The following AK5 variants were observed in gnomAD, a reference collection of about 807,000 sequenced individuals.
AK5 encodes the protein adenylate kinase isoenzyme 5.
A neutral mutation model predicts 69.5 loss-of-function variants in AK5; 27 were observed. The observed-to-expected ratio is 0.39, with a 90% CI of 0.29 to 0.54. The LOEUF (loss-of-function observed/expected upper bound fraction) is 0.54, where lower values mean the gene tolerates loss of function less well. Ranked by LOEUF, AK5 falls within the 20% of genes least tolerant of loss-of-function variation. AK5 has a pLI of 0.71. For synonymous variants in AK5, 260 were observed against 244.4 expected (o/e 1.06, Z -0.60); for missense variants, 531 against 700.4 (o/e 0.76, Z 2.73).
intron 6 of AK5, among the ~76,000 whole-genome samples, chr1:77,357,993 G>GT (rs1491252962): frequency 5.2e-5 from 1 of 19,240 alleles, no homozygotes; most frequent in Non-Finnish European, 1.1e-4. Context: ...ATGGAGAGTA[G>GT]TGTGTGTGTG....
chr1:77,282,366 T>C lies in AK5; in HGVS notation c.53T>C (p.Leu18Pro). The change falls in exon 1 of 14, where the codon CTT becomes CCT. Residue 18 changes from leucine (L) to proline (P), a missense_variant. Transcript: ENST00000354567. ...CTGGCCCGGAGGGAAATCCCTCAGC[T>C]TTTTGAGGTAGGGCTAGAGCTGGCC... is the stretch of plus-strand genomic sequence containing the variant. The part of the protein sequence containing the change: ...EYLARREIPQ[L>P]FESLLNGLMC... 1 of 1,552,614 alleles carries C rather than the reference T, an allele frequency of 6.4e-7. No individual in the cohort carries two copies. Among genetic ancestry groups the C allele is most frequent in the Non-Finnish European group, 8.7e-7 (1 of 1,148,368 alleles).
intron 8 of AK5, among the ~76,000 whole-genome samples, chr1:77,427,096 A>C (rs1373019135): frequency 6.6e-6 from 1 of 151,980 alleles, no homozygotes; most frequent in East Asian, 1.9e-4. Context: ...AGAAAACTAG[A>C]AAAAGAAGAC....
intron 8 of AK5, among the ~76,000 whole-genome samples, chr1:77,470,842 TATATATATATATATATATATATATATA>T (rs1557615438): frequency 5.7e-3 from 6 of 1,052 alleles, no homozygotes; most frequent in Non-Finnish European, 0.013. Context: ...TATATATATA[TATATATATATATATATATATATATATA>T]TATATATTTT....
At chr1:77,376,451 C>CAAAAAAAAAAACA (rs1647252127) in intron 6 of AK5, among the ~76,000 whole-genome samples, 28 of 41,052 alleles carry the variant, frequency 6.8e-4, no homozygotes, top group African/African-American at 2.4e-3. Flanking sequence ...AAAAAAAAAA[C>CAAAAAAAAAAACA]AAAAAAAAAA....
At chr1:77,306,628 AT>A (rs1421151180) in intron 5 of AK5, among the ~76,000 whole-genome samples, 1 of 151,570 alleles carries the variant, frequency 6.6e-6, no homozygotes, top group Non-Finnish European at 1.5e-5. Flanking sequence ...TGACTTTGGA[AT>A]TATTTCCTCC....
chr1:77,330,477 G>C (rs914639929), intron 5 of AK5, among the ~76,000 whole-genome samples: 1 of 152,088 alleles, frequency 6.6e-6, no homozygotes, highest in Admixed American at 6.5e-5. Context: ...ACTTTACCCA[G>C]TACCATTTGT....
chr1:77,502,483 A>G (rs1239583451), intron 10 of AK5, among the ~76,000 whole-genome samples: 1 of 152,244 alleles, frequency 6.6e-6, no homozygotes, highest in African/African-American at 2.4e-5. Context: ...TCCGTATTTC[A>G]GAGAGCCTTG....
chr1:77,397,601 A>C (rs1221378752), intron 6 of AK5, among the ~76,000 whole-genome samples: 2 of 152,206 alleles, frequency 1.3e-5, no homozygotes, highest in Non-Finnish European at 2.9e-5. Flanking sequence ...GTATTAACTA[A>C]AAAGAAATTT....
chr1:77,548,200 T>C (rs759198763), intron 13 of AK5, among the ~76,000 whole-genome samples: 13 of 152,330 alleles, frequency 8.5e-5, no homozygotes, highest in South Asian at 2.1e-4. Flanking sequence ...TTATAAGTCA[T>C]CCTTATATTT....
Position 77,559,957 on chromosome 1 carries a change from G to T in AK5, c.*1287G>T, listed in dbSNP as rs1660358349. ...TGGATATGTACAAATAAAATAAATG[G>T]AAGACAGGATAACTCTTTTTCTATT... On this transcript the variant is annotated 3_prime_UTR_variant, in exon 14 of 14. Transcript: ENST00000354567. 1 of 152,374 alleles carries T rather than the reference G, an allele frequency of 6.6e-6. No individual in the cohort carries two copies. The highest frequency in any genetic ancestry group is 2.1e-4 in the South Asian group (1 of 4,820). 9.4% of individuals were successfully genotyped at this position (152,374 alleles called of 1,614,324 possible). A position where few individuals can be genotyped will look rare whatever the true frequency, so the allele number is the denominator to read the frequency against.
chr1:77,464,962 G>A (rs542389124), intron 8 of AK5, among the ~76,000 whole-genome samples: 99 of 152,308 alleles, frequency 6.5e-4, no homozygotes, highest in Non-Finnish European at 1.3e-3. Flanking sequence ...TCTGATGGCA[G>A]ACTTTGGGAA....
intron 8 of AK5, among the ~76,000 whole-genome samples, chr1:77,465,697 G>A (rs79406287): frequency 0.012 from 1,808 of 152,236 alleles, 37 homozygotes; most frequent in African/African-American, 0.04. Context: ...AGTGGGAGTC[G>A]TGGCTGGGTT....
intron 13 of AK5, among the ~76,000 whole-genome samples, 154 bp from the exon 14 acceptor site, chr1:77,558,448 A>G (rs1014603986): frequency 9.8e-5 from 13 of 132,678 alleles, no homozygotes; most frequent in Admixed American, 7.4e-4. Flanking sequence ...CTAGTTTTAA[A>G]ACTACTCTTC....
At chr1:77,376,766 C>T (rs1187587350) in intron 6 of AK5, among the ~76,000 whole-genome samples, 1 of 151,962 alleles carries the variant, frequency 6.6e-6, no homozygotes, top group Non-Finnish European at 1.5e-5. Context: ...ATAGTGAGAC[C>T]TCCTGTCTAC....
intron 5 of AK5, among the ~76,000 whole-genome samples, chr1:77,320,256 T>C (rs1441364615): frequency 6.6e-6 from 1 of 152,132 alleles, no homozygotes; most frequent in Non-Finnish European, 1.5e-5. Context: ...GTCCCTACCT[T>C]GACACGTGGA....
intron 6 of AK5, among the ~76,000 whole-genome samples, chr1:77,403,873 T>C (rs1649424241): frequency 6.6e-6 from 1 of 152,228 alleles, no homozygotes; most frequent in Admixed American, 6.5e-5. Flanking sequence ...ATTGAATCTA[T>C]AAATTACCTT....
chr1:77,509,231 C>G (rs1433377658), intron 10 of AK5, among the ~76,000 whole-genome samples: 1 of 151,094 alleles, frequency 6.6e-6, no homozygotes, highest in Non-Finnish European at 1.5e-5. Context: ...CAAGACATTC[C>G]CAGTCCCATT....
At chr1:77,384,861 A>G (rs935367975) in intron 6 of AK5, among the ~76,000 whole-genome samples, 1 of 152,152 alleles carries the variant, frequency 6.6e-6, no homozygotes, top group Admixed American at 6.5e-5. Context: ...GTGATAACCA[A>G]TTAGTGAATA....
At chr1:77,517,682 T>C (rs926974088) in intron 10 of AK5, among the ~76,000 whole-genome samples, 1 of 152,178 alleles carries the variant, frequency 6.6e-6, no homozygotes, top group African/African-American at 2.4e-5. Context: ...ATACTCAGAA[T>C]TGATAATAGC....
Sources: gnomAD v4.1 joint callset for allele counts (sites outside exome capture counted in the v4.1 genomes callset) on GRCh38, gnomAD v4.1.1 for gene constraint, MANE v1.5 for transcripts, NCBI Gene and HGNC (gene_info 2026-07-23, HGNC 2026-07-21) for gene names.